Variants in PTPRT observed in about 807,000 individuals in gnomAD.
The protein encoded by PTPRT is protein tyrosine phosphatase receptor type T.
In PTPRT, 56 loss-of-function variants were observed where a neutral mutation model predicts 176.8. The ratio of observed to expected loss-of-function variants is 0.32; its 90% CI spans 0.26 to 0.40. The LOEUF is 0.40. Ranked by LOEUF, PTPRT falls within the 10% of genes least tolerant of loss-of-function variation. The pLI is 1.00. For missense variants in PTPRT, 1,540 were observed against 1,908.2 expected, an observed-to-expected ratio of 0.81 and a Z score of 3.60; for synonymous variants, 783 against 739.0, an observed-to-expected ratio of 1.06 and a Z score of -0.96.
intron 4 of PTPRT, among the ~76,000 whole-genome samples, chr20:42,779,693 G>T (rs572387355): frequency 6.6e-6 from 1 of 152,170 alleles, no homozygotes; most frequent in Non-Finnish European, 1.5e-5. Flanking sequence ...GACTCTTGAC[G>T]CTGTACCATA....
chr20:42,183,548 T>A (rs1377817617), intron 16 of PTPRT, among the ~76,000 whole-genome samples: 1 of 152,228 alleles, frequency 6.6e-6, no homozygotes, highest in Non-Finnish European at 1.5e-5. Flanking sequence ...ATCACGCTAA[T>A]CCAAGTGGAA....
intron 1 of PTPRT, among the ~76,000 whole-genome samples, chr20:42,904,027 G>A (rs1174157408): frequency 2.6e-5 from 4 of 152,114 alleles, no homozygotes; most frequent in Non-Finnish European, 4.4e-5. Context: ...AGAGATGGTA[G>A]GGCAGTCACT....
rs41279254 is a variant in PTPRT, at chr20:42,472,521, T to G, written c.1195A>C (p.Arg399=). Residue 399 remains arginine, a synonymous_variant, in exon 8 of 31, where the codon AGA becomes CGA. Transcript: ENST00000373187. Reference sequence around the variant, plus strand: ...CACTGCAGGGTCAGCTGCCGGGCTCTGATGTCTACGATTTCCACGTTCTGT... The same window carrying G: ...CACTGCAGGGTCAGCTGCCGGGCTCGGATGTCTACGATTTCCACGTTCTGT... ...GPQNVEIVDI[R]ARQLTLQWEP... 15,181 of 1,614,020 alleles carry G rather than the reference T, an allele frequency of 9.4e-3. 107 individuals are homozygous for G. Among genetic ancestry groups the G allele is most frequent in the Middle Eastern group, 0.018 (107 of 6,060 alleles).
chr20:42,577,323 G>A (rs898408257), intron 7 of PTPRT, among the ~76,000 whole-genome samples: 3 of 152,128 alleles, frequency 2.0e-5, no homozygotes, highest in Non-Finnish European at 4.4e-5. Flanking sequence ...CCACACCTCT[G>A]CACAAGGCGG....
At position 42,277,980 on chromosome 20, in the gene PTPRT, G is replaced by C. The variant is rs2057071579; in HGVS notation, c.2176+4509C>G. On this transcript the variant is annotated intron_variant, in intron 13 of 30. Coordinates refer to ENST00000373187, the MANE Select transcript of PTPRT (RefSeq NM_007050.6). ...GAGTACCAGTATATGCTGAGATCTG[G>C]GAATAATAAAACAGTGCTCAAAATA... is the stretch of plus-strand genomic sequence containing the variant. Among the ~76,000 whole-genome samples, 3 of 147,800 alleles carry C rather than the reference G, an allele frequency of 2.0e-5. No individual in the cohort carries two copies. The South Asian group carries it at 6.6e-4, about 33-fold the overall frequency.
intron 1 of PTPRT, among the ~76,000 whole-genome samples, chr20:42,951,148 C>T (rs539307550): frequency 1.3e-5 from 2 of 151,262 alleles, no homozygotes; most frequent in African/African-American, 2.4e-5. Context: ...GGGTATTAAT[C>T]GTGGATGTGT....
At chr20:42,071,563 G>C (rs1982336286), downstream of PTPRT, among the ~76,000 whole-genome samples, 1 of 152,184 alleles carries the variant, frequency 6.6e-6, no homozygotes, top group Admixed American at 6.5e-5. Context: ...AATGGTGTAG[G>C]TGACCCATGG....
At chr20:42,932,084 T>G (rs1463678695) in intron 1 of PTPRT, among the ~76,000 whole-genome samples, 1 of 151,730 alleles carries the variant, frequency 6.6e-6, no homozygotes, top group African/African-American at 2.4e-5. Flanking sequence ...TGTCAGAGGG[T>G]GAGAAACAGA....
At chr20:42,119,501 G>A (rs1236528031) in intron 20 of PTPRT, among the ~76,000 whole-genome samples, 4 of 152,100 alleles carry the variant, frequency 2.6e-5, no homozygotes, top group African/African-American at 4.8e-5. Flanking sequence ...TTCTGAAAAC[G>A]CACTGCCAAG....
intron 2 of PTPRT, among the ~76,000 whole-genome samples, chr20:42,850,831 T>C (rs1338709111): frequency 1.3e-5 from 2 of 152,134 alleles, no homozygotes; most frequent in Non-Finnish European, 2.9e-5. Context: ...AGATCAGGTG[T>C]CTTCAAAGAG....
chr20:42,052,629 A>G, the PTPRT span, among the ~76,000 whole-genome samples: 3 of 152,180 alleles, frequency 2.0e-5, no homozygotes, highest in Non-Finnish European at 4.4e-5. Context: ...CCACCTCACC[A>G]GGAGTAGGGT....
At chr20:42,932,934 T>C (rs761161717) in intron 1 of PTPRT, among the ~76,000 whole-genome samples, 4 of 152,170 alleles carry the variant, frequency 2.6e-5, no homozygotes, top group Admixed American at 6.5e-5. Context: ...CTTTGCAGCA[T>C]TGGTCAGCCT....
At chr20:42,981,942 G>C (rs747873292) in intron 1 of PTPRT, among the ~76,000 whole-genome samples, 3 of 152,092 alleles carry the variant, frequency 2.0e-5, no homozygotes, top group Non-Finnish European at 4.4e-5. Flanking sequence ...TCTTTATGGG[G>C]CGCTCTTTTC....
At chr20:42,850,697 G>A (rs1196034412) in intron 2 of PTPRT, among the ~76,000 whole-genome samples, 1 of 152,156 alleles carries the variant, frequency 6.6e-6, no homozygotes, top group Non-Finnish European at 1.5e-5. Context: ...TTAACCCATG[G>A]CCAGGCCTGG....
At chr20:42,580,164 C>A (rs541968440) in intron 7 of PTPRT, among the ~76,000 whole-genome samples, 3 of 152,134 alleles carry the variant, frequency 2.0e-5, no homozygotes, top group Non-Finnish European at 1.5e-5. Flanking sequence ...ATAGGGAATC[C>A]TTTCCCCATT....
intron 20 of PTPRT, among the ~76,000 whole-genome samples, chr20:42,119,007 A>G (rs1987438519): frequency 8.3e-6 from 1 of 119,854 alleles, no homozygotes; most frequent in East Asian, 2.8e-4. Flanking sequence ...CTCAACAGAA[A>G]GGAAGGAAAA....
intron 7 of PTPRT, among the ~76,000 whole-genome samples, chr20:42,640,273 T>C (rs2074711148): frequency 6.6e-6 from 1 of 152,188 alleles, no homozygotes; most frequent in African/African-American, 2.4e-5. Context: ...AATCTATTCT[T>C]TGTCTATACA....
At chr20:42,057,516 A>G in the PTPRT span, among the ~76,000 whole-genome samples, 3 of 152,226 alleles carry the variant, frequency 2.0e-5, no homozygotes, top group Admixed American at 1.3e-4. Context: ...ATGAACTCTA[A>G]GACATTTGCA....
chr20:43,116,095 C>T (rs190044885), intron 1 of PTPRT, among the ~76,000 whole-genome samples: 1 of 152,288 alleles, frequency 6.6e-6, no homozygotes, highest in Admixed American at 6.5e-5. Flanking sequence ...CTCATTAGCA[C>T]CACATACGAA....
Sources: gnomAD v4.1 joint callset for allele counts (sites outside exome capture counted in the v4.1 genomes callset) on GRCh38, gnomAD v4.1.1 for gene constraint, MANE v1.5 for transcripts, NCBI Gene and HGNC (gene_info 2026-07-23, HGNC 2026-07-21) for gene names.